SAP30BP: variants seen among roughly 807,000 people sequenced by gnomAD.
SAP30BP encodes SAP30-binding protein.
SAP30BP carries 31 observed loss-of-function variants against 46.3 expected under a neutral mutation model. The observed-to-expected ratio is 0.67, with a 90% confidence interval of 0.50 to 0.90. The LOEUF (loss-of-function observed/expected upper bound fraction) is 0.90. SAP30BP is among the 40% of genes least tolerant of loss of function. SAP30BP has a pLI of 0.00. For missense variants in SAP30BP, 312 were observed against 391.0 expected, an observed-to-expected ratio of 0.80 and a Z score of 1.70; for synonymous variants, 169 against 144.2, an observed-to-expected ratio of 1.17 and a Z score of -1.23.
intron 4 of SAP30BP, among the ~76,000 whole-genome samples, chr17:75,693,774 G>C (rs934547370): frequency 6.6e-6 from 1 of 152,196 alleles, no homozygotes; most frequent in Non-Finnish European, 1.5e-5. Flanking sequence ...CTTGGTCTCT[G>C]CTTCCCCTAG....
At chr17:75,669,267 G>A (rs990283027) in intron 2 of SAP30BP, among the ~76,000 whole-genome samples, 17 of 150,966 alleles carry the variant, frequency 1.1e-4, no homozygotes, top group African/African-American at 3.9e-4. Flanking sequence ...TTTTTTTGTC[G>A]GAATCTTGCT....
intron 3 of SAP30BP, among the ~76,000 whole-genome samples, chr17:75,674,470 A>G (rs959132141): frequency 4.0e-5 from 6 of 150,394 alleles, no homozygotes; most frequent in Non-Finnish European, 7.4e-5. Context: ...AATTTTTTGT[A>G]TTTTTAATAG....
Position 75,692,371 on chromosome 17 carries a change from C to T in SAP30BP, c.265-1069C>T, listed in dbSNP as rs1221173852. The T allele has an allele frequency of 5.1e-6, 5 of 985,358 alleles. No homozygotes were observed. In the African/African-American group the frequency reaches 7.0e-5, roughly 14 times the overall value. The allele number at this position is 985,358 out of a possible 1,614,324, so 61.0% of individuals were successfully genotyped here. A position where few individuals can be genotyped will look rare whatever the true frequency, so the allele number is the denominator to read the frequency against. On this transcript the variant is annotated intron_variant, in intron 3 of 10. Transcript: ENST00000584667. ...TTGCAGGGTCTTCCTGTCTCATCTC[C>T]TCCCTCACTCATCAGCAGGAAAAGA...
chr17:75,678,247 G>A (rs1212615937), intron 3 of SAP30BP, among the ~76,000 whole-genome samples: 1 of 152,040 alleles, frequency 6.6e-6, no homozygotes, highest in African/African-American at 2.4e-5. Flanking sequence ...CTCACTATCT[G>A]TGGGGATCCC....
chr17:75,686,260 G>A (rs1412099699), intron 3 of SAP30BP, among the ~76,000 whole-genome samples: 2 of 152,100 alleles, frequency 1.3e-5, no homozygotes, highest in African/African-American at 4.8e-5. Flanking sequence ...GCTCACGCCT[G>A]TAATCTCAGC....
At chr17:75,700,429 C>G (rs541099892) in intron 5 of SAP30BP, among the ~76,000 whole-genome samples, 3 of 152,088 alleles carry the variant, frequency 2.0e-5, no homozygotes, top group South Asian at 2.1e-4. Context: ...GGGTTCAGCC[C>G]GTGGCTCTCC....
intron 3 of SAP30BP, among the ~76,000 whole-genome samples, chr17:75,680,226 T>A (rs2060055926): frequency 6.6e-6 from 1 of 152,064 alleles, no homozygotes; most frequent in African/African-American, 2.4e-5. Context: ...TGTACATCTG[T>A]GAAAACAAAA....
intron 4 of SAP30BP, 44 bp downstream of exon 4, chr17:75,693,526 C>G: frequency 6.3e-7 from 1 of 1,590,534 alleles, no homozygotes; most frequent in South Asian, 1.1e-5. Context: ...CAGCCTTGCT[C>G]CTAGCAGCCT....
chr17:75,693,186 T>G, intron 3 of SAP30BP: 1 of 468,950 alleles, frequency 2.1e-6, no homozygotes. Context: ...TCAGCGATGG[T>G]GGGTTTGGTC....
chr17:75,685,119 C>T (rs936679794), intron 3 of SAP30BP, among the ~76,000 whole-genome samples: 1 of 152,152 alleles, frequency 6.6e-6, no homozygotes, highest in East Asian at 1.9e-4. Context: ...AGGGAGCCAC[C>T]GCGTGTCTGG....
chr17:75,705,466 C>A, intron 9 of SAP30BP: 1 of 216,260 alleles, frequency 4.6e-6, no homozygotes, highest in Non-Finnish European at 8.3e-6. Context: ...GCTGTGGGGC[C>A]TGGGCATGCT....
intron 3 of SAP30BP, among the ~76,000 whole-genome samples, chr17:75,680,528 C>T (rs1198295311): frequency 6.6e-6 from 1 of 152,128 alleles, no homozygotes; most frequent in Non-Finnish European, 1.5e-5. Flanking sequence ...GCCGTGAGAC[C>T]CCCTTTGCAA....
intron 3 of SAP30BP, among the ~76,000 whole-genome samples, chr17:75,675,992 G>A (rs575923398): frequency 1.1e-4 from 16 of 152,274 alleles, no homozygotes; most frequent in African/African-American, 3.9e-4. Context: ...AAATGTTAAT[G>A]CAAAGAGTGG....
intron 3 of SAP30BP, among the ~76,000 whole-genome samples, chr17:75,674,076 A>G (rs1381751681): frequency 6.6e-6 from 1 of 152,088 alleles, no homozygotes; most frequent in East Asian, 1.9e-4. Context: ...GCCAGCTTCA[A>G]TGTTCTGCAA....
chr17:75,673,120 G>C (rs1406052700), intron 3 of SAP30BP, among the ~76,000 whole-genome samples: 1 of 152,150 alleles, frequency 6.6e-6, no homozygotes, highest in Non-Finnish European at 1.5e-5. Context: ...TCTGTGATTG[G>C]ATAGAACTGT....
chr17:75,671,642 A>C (rs891469605), intron 2 of SAP30BP, among the ~76,000 whole-genome samples, 174 bp from the exon 3 acceptor site: 1 of 150,916 alleles, frequency 6.6e-6, no homozygotes, highest in Non-Finnish European at 1.5e-5. Flanking sequence ...CCTCCAGAAT[A>C]TCTCTTTTTC....
At position 75,706,551 on chromosome 17, in the gene SAP30BP, A is replaced by T. The variant is rs775699912; in HGVS notation, c.*30A>T. The stretch of plus-strand genomic sequence containing the variant: ...AGGGGCCACCCTAGGACTTGAAAGG[A>T]CCGTGCAGCCCAGTGACCACTGCCC... On this transcript the variant is annotated 3_prime_UTR_variant, in exon 11 of 11. Transcript: ENST00000584667. This position sits in a 1 kb window ranked among gnomAD's most constrained non-coding sequence, Gnocchi z 4.6. The T allele has an allele frequency of 6.2e-7, 1 of 1,606,528 alleles. No individual in the cohort carries two copies. Among genetic ancestry groups the T allele is most frequent in the Non-Finnish European group, 8.5e-7 (1 of 1,174,092 alleles).
At chr17:75,688,452 G>A (rs1418003452) in intron 3 of SAP30BP, among the ~76,000 whole-genome samples, 1 of 152,110 alleles carries the variant, frequency 6.6e-6, no homozygotes, top group African/African-American at 2.4e-5. Context: ...GTGGCCTCGG[G>A]GCTGGCTGCC....
At chr17:75,703,595 G>A (rs1392403227) in intron 7 of SAP30BP, 1 of 638,026 alleles carries the variant, frequency 1.6e-6, no homozygotes, top group Non-Finnish European at 2.8e-6. Context: ...GGGGACATGT[G>A]TGGACCTGCT....
Sources: gnomAD v4.1 joint callset for allele counts (sites outside exome capture counted in the v4.1 genomes callset) on GRCh38, gnomAD v4.1.1 for gene constraint, Gnocchi (gnomAD v3.1) non-coding constraint, MANE v1.5 for transcripts, NCBI Gene and HGNC (gene_info 2026-07-23, HGNC 2026-07-21) for gene names.